The following ACTA2 variants were observed in gnomAD, a reference collection of about 807,000 sequenced individuals.
ACTA2 encodes the protein actin alpha 2, smooth muscle.
In ACTA2, 12 loss-of-function variants were observed where a neutral mutation model predicts 39.5. That is an observed-to-expected ratio of 0.30 (90% CI 0.19 to 0.49). The LOEUF is 0.49. Ranked by LOEUF, ACTA2 falls within the 20% of genes least tolerant of loss-of-function variation. The pLI, the probability that ACTA2 is intolerant of heterozygous loss-of-function variation, is 0.99. For synonymous variants in ACTA2, 158 were observed against 180.6 expected (o/e 0.88, Z 1.00); for missense variants, 236 against 498.8 (o/e 0.47, Z 5.02).
chr10:88,941,677 G>T, intron 5 of ACTA2, 108 bp downstream of exon 5: 1 of 1,041,478 alleles, frequency 9.6e-7, no homozygotes, highest in Non-Finnish European at 1.5e-6. Flanking sequence ...GTTCAGCCGT[G>T]TCCATTCTAA....
intron 1 of ACTA2, among the ~76,000 whole-genome samples, chr10:88,982,171 T>G (rs114593289): frequency 2.0e-5 from 3 of 152,204 alleles, no homozygotes; most frequent in African/African-American, 7.2e-5. Flanking sequence ...CCTCAAGTGC[T>G]TGGGCCCATG....
At chr10:88,937,952 A>C (rs2133245339) in intron 8 of ACTA2, 109 bp downstream of exon 8, 2 of 1,331,536 alleles carry the variant, frequency 1.5e-6, no homozygotes, top group Non-Finnish European at 2.1e-6. Context: ...CTACCCCTAA[A>C]ACCCACAATT....
intron 6 of ACTA2, 50 bp from the exon 7 acceptor site, chr10:88,939,748 G>GAATCTTTGCCACCTGT: frequency 6.2e-7 from 1 of 1,600,318 alleles, no homozygotes; most frequent in Non-Finnish European, 8.6e-7. Context: ...CTGCACAGGT[G>GAATCTTTGCCACCTGT]GCAAAGATTC....
At chr10:88,955,747 T>C (rs1226209191), upstream of ACTA2, among the ~76,000 whole-genome samples, 2 of 152,194 alleles carry the variant, frequency 1.3e-5, no homozygotes, top group African/African-American at 4.8e-5. Flanking sequence ...AGAAAAACCA[T>C]GCAACATGAG....
Position 88,969,560 on chromosome 10 carries a change from T to G in ACTA2, c.-23-20607A>C, listed in dbSNP as rs568666337. Among the ~76,000 whole-genome samples, 25 of 152,354 alleles carry G rather than the reference T, an allele frequency of 1.6e-4. No individual in the cohort carries two copies. In the South Asian group the frequency reaches 5.0e-3, roughly 30 times the overall value. On this transcript the variant is annotated intron_variant, in intron 1 of 4. Coordinates refer to the ACTA2 transcript ENST00000415557. The stretch of plus-strand genomic sequence containing the variant: ...CTATTTTTTAGATCAGTTTTATGTT[T>G]GCAGCATCAAGATCACTTTTTTTTT...
chr10:88,959,383 A>C (rs1016464774), intron 1 of ACTA2, among the ~76,000 whole-genome samples: 1 of 152,188 alleles, frequency 6.6e-6, no homozygotes, highest in African/African-American at 2.4e-5. Flanking sequence ...AAGAACCTTC[A>C]GAATAGACCA....
chr10:88,971,963 C>G (rs1846457247), intron 1 of ACTA2, among the ~76,000 whole-genome samples: 1 of 150,938 alleles, frequency 6.6e-6, no homozygotes, highest in Non-Finnish European at 1.5e-5. Context: ...GGCTGGAGTG[C>G]AGAGGCGTGA....
chr10:88,989,609 G>C (rs372327042), intron 1 of ACTA2: 2 of 535,586 alleles, frequency 3.7e-6, no homozygotes, highest in African/African-American at 3.8e-5. Context: ...CAAAACACAG[G>C]GTGATGGAAA....
chr10:88,966,440 T>C (rs2133311194), intron 1 of ACTA2, among the ~76,000 whole-genome samples: 1 of 152,326 alleles, frequency 6.6e-6, no homozygotes, highest in Non-Finnish European at 1.5e-5. Flanking sequence ...TTGTAATCTA[T>C]AAGTGTGTGG....
chr10:88,944,136 A>G (rs1028590225), intron 3 of ACTA2, among the ~76,000 whole-genome samples: 1 of 152,166 alleles, frequency 6.6e-6, no homozygotes, highest in Non-Finnish European at 1.5e-5. Context: ...CCTAACCCAG[A>G]TCTGTGAGGC....
upstream of ACTA2, among the ~76,000 whole-genome samples, chr10:88,957,597 C>T (rs1846157746): frequency 6.6e-6 from 1 of 152,196 alleles, no homozygotes; most frequent in Non-Finnish European, 1.5e-5. Flanking sequence ...ATTAACAAGT[C>T]AGACAAGCTC....
intron 1 of ACTA2, among the ~76,000 whole-genome samples, chr10:88,950,670 G>A (rs574205516): frequency 7.2e-5 from 11 of 152,318 alleles, no homozygotes; most frequent in Non-Finnish European, 1.5e-4. Flanking sequence ...AGATCACAGT[G>A]ATTATGAGCT....
chr10:88,962,683 A>C (rs746353452), intron 1 of ACTA2, among the ~76,000 whole-genome samples: 5 of 152,016 alleles, frequency 3.3e-5, no homozygotes, highest in African/African-American at 4.8e-5. Context: ...CCATTTTATC[A>C]GCACGTGATT....
intron 1 of ACTA2, among the ~76,000 whole-genome samples, chr10:88,969,135 T>G (rs1846377191): frequency 6.6e-6 from 1 of 152,182 alleles, no homozygotes; most frequent in African/African-American, 2.4e-5. Flanking sequence ...CTTTTATAAG[T>G]AGGATCTTGA....
chr10:88,943,813 C>T lies in ACTA2; in HGVS notation c.353G>A (p.Arg118Gln), dbSNP rs112602953. 2 of 1,613,726 alleles carry T rather than the reference C, an allele frequency of 1.2e-6. No individual in the cohort carries two copies. The highest frequency in any genetic ancestry group is 1.7e-6 in the Non-Finnish European group (2 of 1,179,712). ...TEAPLNPKAN[R>Q]EKMTQIMFET... ...CATACTTACTTGAGTCATTTTCTCC[C>T]GGTTGGCCTTGGGGTTCAGGGGTGC... Residue 118 changes from arginine to glutamine, a missense_variant, in exon 4 of 9, where the codon CGG becomes CAG. Coordinates refer to ENST00000224784, the MANE Select transcript of ACTA2 (RefSeq NM_001613.4).
At chr10:88,966,012 A>G (rs908870887) in intron 1 of ACTA2, among the ~76,000 whole-genome samples, 5 of 152,150 alleles carry the variant, frequency 3.3e-5, no homozygotes, top group Non-Finnish European at 7.3e-5. Context: ...CACTTGGGCA[A>G]TTTGTTAAAA....
intron 1 of ACTA2, chr10:88,973,550 T>C (rs1846496447): frequency 5.4e-6 from 2 of 367,216 alleles, no homozygotes; most frequent in Non-Finnish European, 9.5e-6. Flanking sequence ...GGATGCAATG[T>C]TGTGTTTGTC....
At chr10:88,973,553 T>G (rs1311061243) in intron 1 of ACTA2, 1 of 357,488 alleles carries the variant, frequency 2.8e-6, no homozygotes, top group Non-Finnish European at 4.9e-6. Context: ...TGCAATGTTG[T>G]GTTTGTCACC....
intron 8 of ACTA2, 21 bp from the exon 9 acceptor site, chr10:88,935,387 G>C: frequency 1.9e-6 from 3 of 1,613,248 alleles, no homozygotes; most frequent in Non-Finnish European, 2.5e-6. Flanking sequence ...AGATGAAAAA[G>C]AATGGTCATT....
Sources: gnomAD v4.1 joint callset for allele counts (sites outside exome capture counted in the v4.1 genomes callset) on GRCh38, gnomAD v4.1.1 for gene constraint, MANE v1.5 for transcripts, NCBI Gene and HGNC (gene_info 2026-07-23, HGNC 2026-07-21) for gene names.